Variants in TBC1D5 observed in about 807,000 individuals in gnomAD.
TBC1D5 encodes TBC1 domain family member 5.
TBC1D5 carries 75 observed loss-of-function variants against 100.3 expected under a neutral mutation model. The ratio of observed to expected loss-of-function variants is 0.75; its 90% CI spans 0.62 to 0.91. TBC1D5 has a LOEUF of 0.91. Among genes scored for constraint, TBC1D5 ranks in the 40% least tolerant of loss-of-function variants. The pLI is 0.00. For missense variants in TBC1D5, 910 were observed against 942.4 expected, an observed-to-expected ratio of 0.97 and a Z score of 0.45; for synonymous variants, 323 against 325.6, an observed-to-expected ratio of 0.99 and a Z score of 0.09.
chr3:17,283,604 T>C (rs2080839283), intron 15 of TBC1D5, among the ~76,000 whole-genome samples: 1 of 152,114 alleles, frequency 6.6e-6, no homozygotes, highest in South Asian at 2.1e-4. Flanking sequence ...GTGAGTGTGC[T>C]TACCAAGGGA....
chr3:17,713,304 C>T (rs112498540), intron 1 of TBC1D5, among the ~76,000 whole-genome samples: 7,662 of 149,628 alleles, frequency 0.051, 600 homozygotes, highest in African/African-American at 0.17. Context: ...TGCAGTGGCG[C>T]GATCTCAGCT....
intron 1 of TBC1D5, among the ~76,000 whole-genome samples, chr3:17,643,227 G>C (rs185608096): frequency 8.7e-4 from 132 of 152,122 alleles, no homozygotes; most frequent in Middle Eastern, 3.4e-3. Context: ...GTCTTCTCAT[G>C]ATGAAACTGA....
chr3:17,539,239 G>C lies in TBC1D5; in HGVS notation c.-35-30634C>G, dbSNP rs533427836. ...CCATGTAAGGGAGTGTCTGGGTTAA[G>C]ATAAGGGGTTGTAGAGACCATGGTT... On this transcript the variant is annotated intron_variant, in intron 2 of 21. Coordinates refer to ENST00000253692, the Ensembl canonical transcript of TBC1D5. Among the ~76,000 whole-genome samples, 12 of 152,298 alleles carry C rather than the reference G, an allele frequency of 7.9e-5. No homozygotes were observed. In the South Asian group the frequency reaches 2.5e-3, roughly 32 times the overall value.
chr3:17,568,202 A>T (rs2153496562), intron 2 of TBC1D5, among the ~76,000 whole-genome samples: 1 of 151,656 alleles, frequency 6.6e-6, no homozygotes, highest in East Asian at 1.9e-4. Flanking sequence ...CTAAGAATAT[A>T]AAATATATAT....
intron 1 of TBC1D5, among the ~76,000 whole-genome samples, chr3:17,626,173 A>AG (rs1560313873): frequency 6.6e-6 from 1 of 152,148 alleles, no homozygotes; most frequent in Non-Finnish European, 1.5e-5. Flanking sequence ...ATGACAGCAG[A>AG]GGGGAAAAAA....
At chr3:17,248,770 C>T (rs932534593) in intron 16 of TBC1D5, among the ~76,000 whole-genome samples, 13 of 152,158 alleles carry the variant, frequency 8.5e-5, no homozygotes, top group Non-Finnish European at 1.5e-5. Context: ...ATGCCAGGCA[C>T]TGATCCTCCT....
At chr3:17,219,365 T>C (rs1371861585) in intron 17 of TBC1D5, among the ~76,000 whole-genome samples, 1 of 151,950 alleles carries the variant, frequency 6.6e-6, no homozygotes, top group Non-Finnish European at 1.5e-5. Flanking sequence ...TTCTTTGACA[T>C]ATTTACAGTA....
intron 2 of TBC1D5, among the ~76,000 whole-genome samples, chr3:17,510,306 G>A (rs1576433145): frequency 6.6e-6 from 1 of 151,884 alleles, no homozygotes; most frequent in East Asian, 1.9e-4. Flanking sequence ...TCATATACAT[G>A]TTCTAATTTT....
intron 1 of TBC1D5, among the ~76,000 whole-genome samples, chr3:17,681,533 G>A (rs891144600): frequency 6.6e-6 from 1 of 151,444 alleles, no homozygotes; most frequent in Non-Finnish European, 1.5e-5. Context: ...TTCCCACACA[G>A]AATTTCACCA....
intron 18 of TBC1D5, among the ~76,000 whole-genome samples, chr3:17,192,981 C>A (rs1168267610): frequency 6.6e-6 from 1 of 152,254 alleles, no homozygotes; most frequent in Admixed American, 6.5e-5. Context: ...CTATTGAAGG[C>A]TACAGCAAAG....
Position 17,160,820 on chromosome 3 carries a change from T to C in TBC1D5, c.*143A>G, listed in dbSNP as rs532322414. On this transcript the variant is annotated 3_prime_UTR_variant, in exon 22 of 22. Transcript: ENST00000253692. Reference sequence around the variant, plus strand: ...GCCATATATGCTTCTCTCTAAGGGGTTTCAAAGGGCTGGACCAATGCAAAA... The same window carrying C: ...GCCATATATGCTTCTCTCTAAGGGGCTTCAAAGGGCTGGACCAATGCAAAA... 340 of 1,099,598 alleles carry C rather than the reference T, an allele frequency of 3.1e-4. 7 individuals carry two copies. The South Asian group carries it at 5.4e-3, about 17-fold the overall frequency. 68.1% of individuals were successfully genotyped at this position (1,099,598 alleles called of 1,614,324 possible).
At chr3:17,180,988 G>A (rs556412160) in intron 19 of TBC1D5, among the ~76,000 whole-genome samples, 7 of 151,574 alleles carry the variant, frequency 4.6e-5, no homozygotes, top group Non-Finnish European at 8.8e-5. Context: ...GGAACTTTGC[G>A]AAAATAATTA....
chr3:17,419,988 C>A (rs781319216), intron 4 of TBC1D5, among the ~76,000 whole-genome samples: 2 of 152,110 alleles, frequency 1.3e-5, no homozygotes, highest in Non-Finnish European at 2.9e-5. Flanking sequence ...CTGCACCTGG[C>A]CTTCCCCTAG....
At chr3:17,304,863 C>T (rs283943) in intron 14 of TBC1D5, among the ~76,000 whole-genome samples, 87,146 of 144,754 alleles carry the variant, frequency 0.6, 25,730 homozygotes, top group East Asian at 0.97. Context: ...CCTGCACTGT[C>T]CTCTAGCTAC....
intron 3 of TBC1D5, among the ~76,000 whole-genome samples, chr3:17,506,835 G>A (rs1481322077): frequency 6.7e-6 from 1 of 149,964 alleles, no homozygotes; most frequent in East Asian, 1.9e-4. Flanking sequence ...AAAACAAACA[G>A]CAACCCCGTC....
intron 16 of TBC1D5, among the ~76,000 whole-genome samples, chr3:17,247,092 G>A (rs2076799856): frequency 6.6e-6 from 1 of 152,180 alleles, no homozygotes; most frequent in Admixed American, 6.5e-5. Flanking sequence ...GGTAGGTAAG[G>A]TTAGTCACAT....
intron 2 of TBC1D5, among the ~76,000 whole-genome samples, chr3:17,525,546 ATTGT>A (rs2096123163): frequency 6.6e-6 from 1 of 152,204 alleles, no homozygotes; most frequent in Admixed American, 6.5e-5. Flanking sequence ...CTCAAAATCC[ATTGT>A]TTCTTATTAC....
intron 4 of TBC1D5, among the ~76,000 whole-genome samples, chr3:17,427,759 C>T (rs1055891776): frequency 6.6e-6 from 1 of 151,732 alleles, no homozygotes; most frequent in East Asian, 1.9e-4. Context: ...TTTCTTACAC[C>T]ACTTTGGTTC....
At chr3:17,715,885 C>A (rs1420542038) in intron 1 of TBC1D5, among the ~76,000 whole-genome samples, 1 of 151,966 alleles carries the variant, frequency 6.6e-6, no homozygotes, top group African/African-American at 2.4e-5. Flanking sequence ...AGTGAAACCC[C>A]ATCTCTACTA....
Sources: gnomAD v4.1 joint callset for allele counts (sites outside exome capture counted in the v4.1 genomes callset) on GRCh38, gnomAD v4.1.1 for gene constraint, MANE v1.5 for transcripts, NCBI Gene and HGNC (gene_info 2026-07-23, HGNC 2026-07-21) for gene names.